ANKRD28: variants seen among roughly 807,000 people sequenced by gnomAD.
ANKRD28 encodes the protein serine/threonine-protein phosphatase 6 regulatory ankyrin repeat subunit A.
ANKRD28 carries 44 observed loss-of-function variants against 126.5 expected under a neutral mutation model. The ratio of observed to expected loss-of-function variants is 0.35; its 90% confidence interval spans 0.27 to 0.45. ANKRD28 has a LOEUF of 0.45. ANKRD28 is among the 20% of genes least tolerant of loss of function. ANKRD28 has a pLI of 1.00. For missense variants in ANKRD28, 1,110 were observed against 1,316.6 expected (o/e 0.84, Z 2.43); for synonymous variants, 442 against 468.5 (o/e 0.94, Z 0.73).
intron 8 of ANKRD28, among the ~76,000 whole-genome samples, chr3:15,716,535 TG>T (rs1038685633): frequency 1.8e-4 from 28 of 152,072 alleles, no homozygotes. Flanking sequence ...TCTCCAGCCT[TG>T]GCTTCCCAAA....
intron 21 of ANKRD28, 114 bp downstream of exon 21, chr3:15,685,112 A>C: frequency 9.7e-7 from 1 of 1,030,032 alleles, no homozygotes; most frequent in South Asian, 1.4e-5. Context: ...CCTATACAGT[A>C]GATTATTCCC....
chr3:15,858,287 A>G (rs1035558021), intron 1 of ANKRD28, among the ~76,000 whole-genome samples: 2 of 152,252 alleles, frequency 1.3e-5, no homozygotes, highest in African/African-American at 4.8e-5. Flanking sequence ...GTAGTTTTTC[A>G]AAGTATCATG....
chr3:15,743,605 A>C (rs575004362), intron 4 of ANKRD28, among the ~76,000 whole-genome samples: 2 of 149,842 alleles, frequency 1.3e-5, no homozygotes, highest in Admixed American at 1.3e-4. Context: ...CACACCAAAA[A>C]CAAAACCCAA....
Position 15,805,074 on chromosome 3 carries a change from T to A in ANKRD28, c.28-9768A>T, listed in dbSNP as rs78113551. Among the ~76,000 whole-genome samples, 692 of 144,476 alleles carry A rather than the reference T, an allele frequency of 4.8e-3. 96 individuals are homozygous for A. The East Asian group carries it at 0.053, about 11-fold the overall frequency. The allele number at this position is 144,476 out of a possible 152,430, so 94.8% of individuals were successfully genotyped here. A position where few individuals can be genotyped will look rare whatever the true frequency, so the allele number is the denominator to read the frequency against. On this transcript the variant is annotated intron_variant, in intron 1 of 27. Transcript: ENST00000399451. ...CTGACTTTTCCAAGTAAGTGTAGATTCAACAGTTACACATATGAACTTAAG... is the reference window on the plus strand; with the variant it reads ...CTGACTTTTCCAAGTAAGTGTAGATACAACAGTTACACATATGAACTTAAG...
At position 15,677,055 on chromosome 3, in the gene ANKRD28, C is replaced by A. The variant is rs1454717552; in HGVS notation, c.2792G>T (p.Gly931Val). Residue 931 changes from glycine (G) to valine (V), a missense_variant and splice_region_variant, in exon 26 of 28, where the codon GGT (glycine) becomes GTT (valine). By Grantham distance (109) the Gly-to-Val change is moderately radical. Coordinates refer to ENST00000683139, the MANE Select transcript of ANKRD28 (RefSeq NM_001349278.2). The part of the protein sequence containing the change: ...NTALHLACSK[G>V]HETSALLILE... ...TATTAACAAGGCACTAGTTTCATGA[C>A]CCTATAATTGTGGCAGATAAGTTAT... 6.2e-7 allele frequency: 1 copy of A among 1,612,318 alleles called. No individual in the cohort carries two copies. The highest frequency in any genetic ancestry group is 1.1e-5 in the South Asian group (1 of 90,990).
chr3:15,712,193 T>C lies in ANKRD28; in HGVS notation c.1220A>G (p.His407Arg). 1.3e-6 allele frequency: 2 copies of C among 1,586,318 alleles called. No individual in the cohort carries two copies. Among genetic ancestry groups the C allele is most frequent in the Non-Finnish European group, 1.7e-6 (2 of 1,165,786 alleles). Residue 407 changes from histidine (H) to arginine (R), a missense_variant, in exon 11 of 28, where the codon CAT becomes CGT. Coordinates refer to ENST00000683139, the MANE Select transcript of ANKRD28 (RefSeq NM_001349278.2). ...KRGIHGMFPL[H>R]LAALSGFSDC... ...TGAAAAGCCGCTTAAGGCTGCCAAA[T>C]GGAGGGGGAACATTCCATGTATGCC...
At chr3:15,850,204 A>AAAAAATATATATATAT (rs1486394619) in intron 1 of ANKRD28, among the ~76,000 whole-genome samples, 8 of 54,830 alleles carry the variant, frequency 1.5e-4, no homozygotes, top group Non-Finnish European at 2.7e-4. Context: ...AAAAAAAAAA[A>AAAAAATATATATATAT]ATATATATAT....
At chr3:15,758,592 G>A (rs1488282682) in intron 3 of ANKRD28, among the ~76,000 whole-genome samples, 2 of 152,146 alleles carry the variant, frequency 1.3e-5, no homozygotes, top group Non-Finnish European at 2.9e-5. Flanking sequence ...TGGACAGAGG[G>A]AAAATAAAGG....
intron 17 of ANKRD28, among the ~76,000 whole-genome samples, chr3:15,694,472 C>G (rs1009600685): frequency 4.6e-5 from 7 of 151,778 alleles, no homozygotes; most frequent in Non-Finnish European, 1.0e-4. Context: ...TTCTCCCTTT[C>G]TCTCCCCAGA....
Position 15,735,416 on chromosome 3 carries a change from A to G in ANKRD28, c.634T>C (p.Tyr212His), listed in dbSNP as rs2125118565. The change falls in exon 6 of 28, where the codon TAT (tyrosine) becomes CAT (histidine). Residue 212 changes from tyrosine to histidine, a missense_variant. Coordinates refer to ENST00000683139, the MANE Select transcript of ANKRD28 (RefSeq NM_001349278.2). ...KDRRAIHWAAYMGHIEVVKLL... is the reference protein window; with the variant it reads ...KDRRAIHWAAHMGHIEVVKLL... ...AAATTTAAAAAGTACATACCCATATATGCTGCCCAATGGATAGCACGCCTA... is the reference window on the plus strand; with the variant it reads ...AAATTTAAAAAGTACATACCCATATGTGCTGCCCAATGGATAGCACGCCTA... 6.4e-7 allele frequency: 1 copy of G among 1,554,644 alleles called. No individual in the cohort carries two copies. The highest frequency in any genetic ancestry group is 1.2e-5 in the South Asian group (1 of 84,198).
At chr3:15,769,161 A>G (rs2125582678) in intron 2 of ANKRD28, among the ~76,000 whole-genome samples, 2 of 152,334 alleles carry the variant, frequency 1.3e-5, no homozygotes, top group South Asian at 4.1e-4. Flanking sequence ...AAAGTGAGTC[A>G]TCTGTGTGTG....
In ANKRD28 at chr3:15,739,074, C is replaced by T. The variant is rs184509922; in HGVS notation, c.352-1841G>A. 1.2e-3 allele frequency among the ~76,000 whole-genome samples: 184 copies of T among 152,268 alleles called. 1 individual carries two copies. The highest frequency in any genetic ancestry group is 4.1e-3 in the African/African-American group (171 of 41,556). On this transcript the variant is annotated intron_variant, in intron 4 of 27. Transcript: ENST00000683139. ...GTTATCTCCCTTGTTCCCTAAACAT[C>T]GCTGTTATCCTGTTCTTTTTTTAAG...
chr3:15,797,047 A>T lies in ANKRD28; in HGVS notation c.-526T>A. ...AATTGAAAATAAAAAATAAAATCTC[A>T]CTATTCTGTTTCCACTTCTAATTTG... is the stretch of plus-strand genomic sequence containing the variant. On this transcript the variant is annotated 5_prime_UTR_variant, in exon 1 of 28. Transcript: ENST00000683139. 1.0e-6 allele frequency: 1 copy of T among 985,200 alleles called. No individual in the cohort carries two copies. The highest frequency in any genetic ancestry group is 1.2e-6 in the Non-Finnish European group (1 of 829,826). The allele number at this position is 985,200 out of a possible 1,614,324, so 61.0% of individuals were successfully genotyped here.
At chr3:15,786,572 T>A (rs1393435933) in intron 2 of ANKRD28, among the ~76,000 whole-genome samples, 1 of 152,102 alleles carries the variant, frequency 6.6e-6, no homozygotes, top group Non-Finnish European at 1.5e-5. Flanking sequence ...TATGCATGTA[T>A]CAAAACTTAT....
Position 15,668,429 on chromosome 3 carries a change from A to G in ANKRD28, c.*1841T>C, listed in dbSNP as rs927234106. 9 of 152,240 alleles carry G rather than the reference A, an allele frequency of 5.9e-5. No individual in the cohort carries two copies. The highest frequency in any genetic ancestry group is 2.2e-4 in the African/African-American group (9 of 41,296). 9.4% of individuals were successfully genotyped at this position (152,240 alleles called of 1,614,324 possible). Reference sequence around the variant, plus strand: ...TAAAATGCATATTCACCTTCCTACTACTAATAATTAGGAAGGGTTCATTAT... The same window carrying G: ...TAAAATGCATATTCACCTTCCTACTGCTAATAATTAGGAAGGGTTCATTAT... On this transcript the variant is annotated 3_prime_UTR_variant, in exon 28 of 28. Coordinates refer to ENST00000683139, the MANE Select transcript of ANKRD28 (RefSeq NM_001349278.2).
rs529028434 is a variant in ANKRD28, at chr3:15,686,014, C to G, written c.2157G>C (p.Ala719=). The G allele has an allele frequency of 1.5e-5, 24 of 1,613,346 alleles. No homozygotes were observed. The African/African-American group carries it at 2.7e-4, about 18-fold the overall frequency. Residue 719 remains alanine (A), a synonymous_variant, in exon 20 of 28, where the codon GCG becomes GCC. Coordinates refer to ENST00000683139, the MANE Select transcript of ANKRD28 (RefSeq NM_001349278.2). The part of the protein sequence containing the change: ...VDAKDKWGRT[A]LHRGAVTGHE... ...TATTTCTGCTTACCCCTCTATGCAA[C>G]GCTGTCCTTCCCCACTTATCTTTGG...
intron 27 of ANKRD28, among the ~76,000 whole-genome samples, chr3:15,671,492 C>A (rs557471700): frequency 6.6e-6 from 1 of 152,122 alleles, no homozygotes. Context: ...AGTCGTTACA[C>A]CTTTCTTCTT....
In ANKRD28 at chr3:15,846,249, G is replaced by A. The variant is rs1458023538; in HGVS notation, c.27+13128C>T. Among the ~76,000 whole-genome samples the A allele has an allele frequency of 6.6e-6, 1 of 152,174 alleles. No individual in the cohort carries two copies. The highest frequency in any genetic ancestry group is 1.5e-5 in the Non-Finnish European group (1 of 68,032). On this transcript the variant is annotated intron_variant, in intron 1 of 27. Coordinates refer to the ANKRD28 transcript ENST00000399451. The surrounding 1 kb of genome is among the most constrained non-coding windows in gnomAD (Gnocchi z 5.4). ...ATGGAGGTACAGGCATTGGGTAAAC[G>A]TTCCTGTTCCAATGGGAGACACTGG...
At chr3:15,806,168 A>C (rs2060572663) in intron 1 of ANKRD28, among the ~76,000 whole-genome samples, 1 of 152,166 alleles carries the variant, frequency 6.6e-6, no homozygotes, top group Non-Finnish European at 1.5e-5. Flanking sequence ...TTATACATAA[A>C]TTTTCACGCC....
Sources: allele counts gnomAD v4.1 joint callset (sites outside exome capture counted in the v4.1 genomes callset), GRCh38; gene constraint gnomAD v4.1.1; non-coding constraint Gnocchi (gnomAD v3.1); transcripts MANE v1.5; gene names NCBI Gene and HGNC (gene_info 2026-07-23, HGNC 2026-07-21).